The following CFAP45 variants were observed in gnomAD, a reference collection of about 807,000 sequenced individuals.
CFAP45 encodes cilia and flagella associated protein 45.
A neutral mutation model predicts 75.6 loss-of-function variants in CFAP45; 43 were observed. The observed-to-expected ratio is 0.57, with a 90% CI of 0.45 to 0.73. The LOEUF (loss-of-function observed/expected upper bound fraction) is 0.73, where lower values mean the gene tolerates loss of function less well. Ranked by LOEUF, CFAP45 falls within the 30% of genes least tolerant of loss-of-function variation. The pLI is 0.00. For synonymous variants in CFAP45, 223 were observed against 244.6 expected (o/e 0.91, Z 0.82); for missense variants, 689 against 701.5 (o/e 0.98, Z 0.20).
intron 7 of CFAP45, among the ~76,000 whole-genome samples, chr1:159,883,623 A>AATATATAT (rs59275156): frequency 1.9e-3 from 137 of 72,084 alleles, no homozygotes; most frequent in Middle Eastern, 7.0e-3. Context: ...TTAACAATAA[A>AATATATAT]ATATATATAT....
intron 3 of CFAP45, among the ~76,000 whole-genome samples, chr1:159,888,968 G>A (rs1649762090): frequency 6.6e-6 from 1 of 152,160 alleles, no homozygotes; most frequent in South Asian, 2.1e-4. Context: ...TTGGTACAGA[G>A]TGAGAATTCA....
intron 6 of CFAP45, among the ~76,000 whole-genome samples, chr1:159,885,038 A>G (rs1649643230): frequency 6.6e-6 from 1 of 152,194 alleles, no homozygotes; most frequent in African/African-American, 2.4e-5. Flanking sequence ...TAAACTTGGA[A>G]GCATAGACCC....
chr1:159,879,635 A>T (rs1011528198), intron 8 of CFAP45, among the ~76,000 whole-genome samples: 4 of 152,220 alleles, frequency 2.6e-5, no homozygotes, highest in Non-Finnish European at 4.4e-5. Flanking sequence ...CCCAGCATCC[A>T]ATAAGAATAC....
At chr1:159,885,193 A>G (rs1649649911) in intron 6 of CFAP45, among the ~76,000 whole-genome samples, 1 of 152,236 alleles carries the variant, frequency 6.6e-6, no homozygotes, top group Admixed American at 6.5e-5. Flanking sequence ...GTAAAGAGTA[A>G]AAGGGTTACA....
intron 8 of CFAP45, among the ~76,000 whole-genome samples, chr1:159,878,377 AGCTTCCCAAGCCC>A (rs1224794930): frequency 2.0e-5 from 3 of 152,198 alleles, no homozygotes; most frequent in Non-Finnish European, 4.4e-5. Flanking sequence ...TATCCTTAAA[AGCTTCCCAAGCCC>A]GCTTCCCAAC....
intron 8 of CFAP45, among the ~76,000 whole-genome samples, chr1:159,877,792 G>T (rs1649438899): frequency 6.6e-6 from 1 of 152,052 alleles, no homozygotes. Context: ...TAGGAGGACT[G>T]CTTGAACCTG....
At chr1:159,890,060 G>A (rs1168746649) in intron 3 of CFAP45, among the ~76,000 whole-genome samples, 1 of 152,180 alleles carries the variant, frequency 6.6e-6, no homozygotes, top group Non-Finnish European at 1.5e-5. Flanking sequence ...AGGAAGCCAG[G>A]GGGCTAATTA....
chr1:159,898,565 G>C (rs933477482), intron 1 of CFAP45, among the ~76,000 whole-genome samples: 1 of 152,206 alleles, frequency 6.6e-6, no homozygotes, highest in East Asian at 1.9e-4. Context: ...GGCTCAGTGA[G>C]TGAGTCAAAC....
chr1:159,896,421 T>C (rs1314077380), intron 1 of CFAP45, among the ~76,000 whole-genome samples: 1 of 152,206 alleles, frequency 6.6e-6, no homozygotes, highest in Non-Finnish European at 1.5e-5. Context: ...AGCCGCAGCC[T>C]TACACCAGGG....
chr1:159,893,374 T>C, intron 1 of CFAP45, 69 bp from the exon 2 acceptor site: 1 of 1,499,822 alleles, frequency 6.7e-7, no homozygotes, highest in Admixed American at 1.7e-5. Context: ...AAGTCAACAA[T>C]TCACCAGCCC....
At chr1:159,899,435 A>AC (rs981808871) in intron 1 of CFAP45, among the ~76,000 whole-genome samples, 6 of 121,882 alleles carry the variant, frequency 4.9e-5, no homozygotes, top group South Asian at 6.2e-4. Flanking sequence ...AGGTACCACG[A>AC]CCCATTATCT....
intron 11 of CFAP45, 57 bp downstream of exon 11, chr1:159,872,887 G>C: frequency 6.6e-7 from 1 of 1,520,870 alleles, no homozygotes; most frequent in East Asian, 2.3e-5. Flanking sequence ...CCAGCCTGTG[G>C]TGCCATCTCT....
intron 5 of CFAP45, 55 bp downstream of exon 5, chr1:159,887,786 A>C: frequency 8.1e-7 from 1 of 1,227,878 alleles, no homozygotes; most frequent in Non-Finnish European, 1.1e-6. Context: ...GAATAAGGGG[A>C]GGGCGGAGGG....
At chr1:159,885,159 T>C (rs1318638530) in intron 6 of CFAP45, among the ~76,000 whole-genome samples, 1 of 152,202 alleles carries the variant, frequency 6.6e-6, no homozygotes, top group Non-Finnish European at 1.5e-5. Context: ...AATGGCTTCA[T>C]GACTCCAGAT....
Position 159,884,426 on chromosome 1 carries a change from G to A in CFAP45, c.897+10C>T. On this transcript the variant is annotated intron_variant, in intron 7 of 11. Coordinates refer to ENST00000368099, the MANE Select transcript of CFAP45 (RefSeq NM_012337.3). ...TGGTGAAACGTGGCATTGTCTGTCTGGCCTGTTACCTTTAGATCTTCCTCT... is the reference window on the plus strand; with the variant it reads ...TGGTGAAACGTGGCATTGTCTGTCTAGCCTGTTACCTTTAGATCTTCCTCT... 6.2e-7 allele frequency: 1 copy of A among 1,600,078 alleles called. No homozygotes were observed. Among genetic ancestry groups the A allele is most frequent in the Non-Finnish European group, 8.5e-7 (1 of 1,172,654 alleles).
chr1:159,873,155 G>C lies in CFAP45; in HGVS notation c.1366C>G (p.Gln456Glu), dbSNP rs762492511. ...FERILRAQRE[Q>E]IEKERLEEEK... ...TCCTCCAGCCGCTCCTTCTCAATCT[G>C]TTCTCTCTGAGCCCTGGGGGAGGGA... Residue 456 changes from glutamine to glutamate, a missense_variant, in exon 11 of 12, where the codon CAG (glutamine) becomes GAG (glutamate). Transcript: ENST00000368099. 3.7e-6 allele frequency: 6 copies of C among 1,613,462 alleles called. No individual in the cohort carries two copies. The Admixed American group carries it at 1.0e-4, about 27-fold the overall frequency.
chr1:159,878,688 G>T (rs1243143224), intron 8 of CFAP45, among the ~76,000 whole-genome samples: 1 of 144,852 alleles, frequency 6.9e-6, no homozygotes, highest in Non-Finnish European at 1.5e-5. Flanking sequence ...GGAAGGCAGA[G>T]GTTGCTGCAG....
Position 159,890,551 on chromosome 1 carries a change from G to A in CFAP45, c.201C>T (p.Leu67=). 1 of 1,614,084 alleles carries A rather than the reference G, an allele frequency of 6.2e-7. No homozygotes were observed. Among genetic ancestry groups the A allele is most frequent in the Non-Finnish European group, 8.5e-7 (1 of 1,179,986 alleles). Residue 67 remains leucine (L), a synonymous_variant, in exon 3 of 12, where the codon CTC becomes CTT. Transcript: ENST00000368099. The part of the protein sequence containing the change: ...LRDKHTLQKT[L]TALGLDRKPE... The stretch of plus-strand genomic sequence containing the variant: ...GCTTGCGATCCAAGCCCAAAGCAGT[G>A]AGAGTTTTTTGAAGGGTATGCTTAT...
At chr1:159,877,196 C>G (rs1420931094) in intron 9 of CFAP45, among the ~76,000 whole-genome samples, 153 bp downstream of exon 9, 1 of 152,202 alleles carries the variant, frequency 6.6e-6, no homozygotes, top group African/African-American at 2.4e-5. Flanking sequence ...GCCCTGGGAG[C>G]AGGCCACCCC....
Sources: gnomAD v4.1 joint callset for allele counts (sites outside exome capture counted in the v4.1 genomes callset) on GRCh38, gnomAD v4.1.1 for gene constraint, MANE v1.5 for transcripts, NCBI Gene and HGNC (gene_info 2026-07-23, HGNC 2026-07-21) for gene names.